Variants in ZRANB3 observed in about 807,000 individuals in gnomAD.
The protein encoded by ZRANB3 is zinc finger RANBP2-type containing 3, also known as DNA annealing helicase and endonuclease ZRANB3.
In ZRANB3, 125 loss-of-function variants were observed where a neutral mutation model predicts 133.8. That is an observed-to-expected ratio of 0.93 (90% CI 0.81 to 1.08). The LOEUF (loss-of-function observed/expected upper bound fraction) is 1.08, where lower values mean the gene tolerates loss of function less well. Ranked by LOEUF, ZRANB3 falls within the 50% of genes least tolerant of loss-of-function variation. ZRANB3 has a pLI of 0.00. For synonymous variants in ZRANB3, 387 were observed against 432.7 expected (o/e 0.89, Z 1.31); for missense variants, 1,229 against 1,275.5 (o/e 0.96, Z 0.56).
intron 3 of ZRANB3, among the ~76,000 whole-genome samples, chr2:135,366,365 A>G (rs1014187583): frequency 6.6e-6 from 1 of 152,182 alleles, no homozygotes; most frequent in Non-Finnish European, 1.5e-5. Context: ...TCGTTACATA[A>G]AATGAAAAAG....
chr2:135,270,266 C>A (rs927291393), intron 10 of ZRANB3, among the ~76,000 whole-genome samples: 1 of 152,054 alleles, frequency 6.6e-6, no homozygotes. Context: ...TAAAAAACAT[C>A]ATTTGATTAT....
intron 17 of ZRANB3, among the ~76,000 whole-genome samples, chr2:135,212,422 A>G (rs994777729): frequency 6.6e-6 from 1 of 152,212 alleles, no homozygotes; most frequent in Non-Finnish European, 1.5e-5. Context: ...GTATTATTCA[A>G]TGTTTAAAAG....
At chr2:135,459,165 G>A (rs905591346) in intron 2 of ZRANB3, among the ~76,000 whole-genome samples, 5 of 152,048 alleles carry the variant, frequency 3.3e-5, no homozygotes, top group Admixed American at 2.0e-4. Flanking sequence ...AGTTCAGACC[G>A]GCCTAATACT....
chr2:135,488,094 T>C (rs1287383604), intron 2 of ZRANB3, among the ~76,000 whole-genome samples: 1 of 152,182 alleles, frequency 6.6e-6, no homozygotes, highest in Admixed American at 6.6e-5. Flanking sequence ...AATTTCAATA[T>C]TGTTTTGTCT....
chr2:135,475,224 G>GA (rs1258198428), intron 2 of ZRANB3, among the ~76,000 whole-genome samples: 5 of 152,032 alleles, frequency 3.3e-5, no homozygotes, highest in Admixed American at 6.6e-5. Flanking sequence ...TTTCTGAATA[G>GA]AAAAAACCCT....
intron 12 of ZRANB3, among the ~76,000 whole-genome samples, chr2:135,264,470 C>CAAAA (rs201380002): frequency 1.1e-4 from 7 of 64,970 alleles, no homozygotes; most frequent in East Asian, 4.0e-4. Context: ...GACTCTGTCT[C>CAAAA]AAAAAAAAAA....
At chr2:135,293,505 T>C (rs1300015173) in intron 8 of ZRANB3, among the ~76,000 whole-genome samples, 1 of 152,158 alleles carries the variant, frequency 6.6e-6, no homozygotes, top group East Asian at 1.9e-4. Context: ...GCTGAGACGA[T>C]GGGGTTTTCT....
At chr2:135,464,693 C>G (rs1435292464) in intron 2 of ZRANB3, among the ~76,000 whole-genome samples, 1 of 152,052 alleles carries the variant, frequency 6.6e-6, no homozygotes, top group East Asian at 1.9e-4. Context: ...TCAAGAGAAA[C>G]TGACAGGTAG....
At chr2:135,326,920 A>G (rs941811386) in intron 6 of ZRANB3, among the ~76,000 whole-genome samples, 2 of 146,538 alleles carry the variant, frequency 1.4e-5, no homozygotes, top group Non-Finnish European at 3.0e-5. Flanking sequence ...AAAAAAAAAA[A>G]AAGAACAGTC....
rs111765663 is a variant in ZRANB3, at chr2:135,335,603, C to G, written c.677+9947G>C. Reference sequence around the variant, plus strand: ...ACCTATTTGCGAGGCTGAGGCAGGACAATCTCTTGAACCAGGGAAGCGGAG... The same window carrying G: ...ACCTATTTGCGAGGCTGAGGCAGGAGAATCTCTTGAACCAGGGAAGCGGAG... On this transcript the variant is annotated intron_variant, in intron 6 of 20. Coordinates refer to ENST00000264159, the MANE Select transcript of ZRANB3 (RefSeq NM_032143.4). Among the ~76,000 whole-genome samples the G allele has an allele frequency of 3.0e-3, 453 of 152,080 alleles. 3 individuals carry two copies. Among genetic ancestry groups the G allele is most frequent in the African/African-American group, 0.01 (421 of 41,490 alleles).
chr2:135,215,182 T>C (rs904859389), intron 17 of ZRANB3, among the ~76,000 whole-genome samples: 2 of 152,222 alleles, frequency 1.3e-5, no homozygotes, highest in African/African-American at 4.8e-5. Context: ...CTTTCCAAAG[T>C]GCTAGGATTA....
chr2:135,333,747 C>T (rs1401456669), intron 6 of ZRANB3, among the ~76,000 whole-genome samples: 1 of 152,108 alleles, frequency 6.6e-6, no homozygotes, highest in Non-Finnish European at 1.5e-5. Flanking sequence ...TGTACTGAAA[C>T]ACATTAGAAT....
intron 12 of ZRANB3, among the ~76,000 whole-genome samples, chr2:135,243,036 CT>C (rs1695617238): frequency 6.6e-6 from 1 of 152,124 alleles, no homozygotes; most frequent in African/African-American, 2.4e-5. Context: ...GAGAGGTGGC[CT>C]TCTGTTATCC....
intron 2 of ZRANB3, among the ~76,000 whole-genome samples, chr2:135,421,765 C>T (rs1466511706): frequency 6.6e-6 from 1 of 151,956 alleles, no homozygotes; most frequent in African/African-American, 2.4e-5. Flanking sequence ...GGCCTTTTAG[C>T]CCTCTTCTTT....
intron 3 of ZRANB3, among the ~76,000 whole-genome samples, chr2:135,375,556 G>A (rs1285980446): frequency 6.6e-6 from 1 of 152,180 alleles, no homozygotes; most frequent in Admixed American, 6.5e-5. Context: ...ATGGTGGCGG[G>A]CACCAGTAGT....
intron 2 of ZRANB3, among the ~76,000 whole-genome samples, chr2:135,497,661 T>C (rs1692738160): frequency 6.6e-6 from 1 of 152,182 alleles, no homozygotes; most frequent in Non-Finnish European, 1.5e-5. Context: ...AATTACTTGA[T>C]TTATGACAAA....
chr2:135,483,408 G>A (rs1691931484), intron 2 of ZRANB3, among the ~76,000 whole-genome samples: 1 of 152,150 alleles, frequency 6.6e-6, no homozygotes, highest in East Asian at 1.9e-4. Flanking sequence ...TTTGCGTAGA[G>A]GTGTTTGTAG....
At chr2:135,271,597 C>G (rs759340197) in intron 10 of ZRANB3, among the ~76,000 whole-genome samples, 171 bp downstream of exon 10, 1 of 152,152 alleles carries the variant, frequency 6.6e-6, no homozygotes, top group African/African-American at 2.4e-5. Flanking sequence ...TCAAAGACAT[C>G]GAGGCCTCTT....
intron 1 of ZRANB3, among the ~76,000 whole-genome samples, chr2:135,522,862 T>C (rs1008251582): frequency 6.6e-6 from 1 of 152,150 alleles, no homozygotes; most frequent in Non-Finnish European, 1.5e-5. Flanking sequence ...CTGTAAGGAA[T>C]TGGAAGCAAT....
Sources: allele counts gnomAD v4.1 joint callset (sites outside exome capture counted in the v4.1 genomes callset), GRCh38; gene constraint gnomAD v4.1.1; transcripts MANE v1.5; gene names NCBI Gene and HGNC (gene_info 2026-07-23, HGNC 2026-07-21).